ZHX2: variants seen among roughly 807,000 people sequenced by gnomAD.
The protein encoded by ZHX2 is zinc fingers and homeoboxes 2, also known as zinc fingers and homeoboxes protein 2.
ZHX2 carries 6 observed loss-of-function variants against 21.9 expected under a neutral mutation model. The observed-to-expected ratio is 0.27, with a 90% CI of 0.15 to 0.54. ZHX2 has a LOEUF of 0.54. ZHX2 is among the 20% of genes least tolerant of loss of function. ZHX2 has a pLI of 0.95. For missense variants in ZHX2, 908 were observed against 1,090.7 expected (o/e 0.83, Z 2.36); for synonymous variants, 434 against 437.1 (o/e 0.99, Z 0.09).
intron 2 of ZHX2, among the ~76,000 whole-genome samples, chr8:122,873,038 C>A (rs1819478700): frequency 6.6e-6 from 1 of 152,244 alleles, no homozygotes; most frequent in African/African-American, 2.4e-5. Context: ...GTGCACGGTG[C>A]CAACTGGCCA....
At chr8:122,890,072 A>G (rs2129857370) in intron 2 of ZHX2, among the ~76,000 whole-genome samples, 1 of 152,216 alleles carries the variant, frequency 6.6e-6, no homozygotes, top group South Asian at 2.1e-4. Flanking sequence ...GATTTTTTCT[A>G]GTAGTTTTAT....
intron 2 of ZHX2, among the ~76,000 whole-genome samples, chr8:122,877,742 A>T (rs577050927): frequency 6.6e-6 from 1 of 152,178 alleles, no homozygotes; most frequent in Non-Finnish European, 1.5e-5. Context: ...GACTGAGAGG[A>T]TGGGACTGGA....
intron 2 of ZHX2, among the ~76,000 whole-genome samples, chr8:122,916,158 T>C (rs574570975): frequency 6.6e-6 from 1 of 152,344 alleles, no homozygotes; most frequent in East Asian, 1.9e-4. Flanking sequence ...TTTTATGAGA[T>C]TACAGACGCT....
intron 2 of ZHX2, among the ~76,000 whole-genome samples, chr8:122,868,195 A>G (rs1227635528): frequency 1.3e-5 from 2 of 152,216 alleles, no homozygotes; most frequent in East Asian, 1.9e-4. Flanking sequence ...CGGGAGATTC[A>G]GGACAGGAAG....
At chr8:122,830,331 T>C (rs115359522) in intron 1 of ZHX2, among the ~76,000 whole-genome samples, 3,443 of 152,268 alleles carry the variant, frequency 0.023, 117 homozygotes, top group African/African-American at 0.079. Flanking sequence ...TTCTGCTATT[T>C]TGCTGGCGCA....
intron 1 of ZHX2, among the ~76,000 whole-genome samples, chr8:122,813,184 GA>G (rs1362789850): frequency 1.4e-5 from 2 of 140,996 alleles, no homozygotes; most frequent in East Asian, 4.1e-4. Context: ...CAACAAGAGT[GA>G]AACTCTGTCT....
intron 1 of ZHX2, among the ~76,000 whole-genome samples, chr8:122,820,664 C>A (rs928885572): frequency 1.4e-4 from 21 of 152,150 alleles, no homozygotes; most frequent in Non-Finnish European, 1.8e-4. Flanking sequence ...TTTGGGGTGG[C>A]AGAATGACTC....
intron 2 of ZHX2, among the ~76,000 whole-genome samples, chr8:122,879,398 G>A (rs962631683): frequency 1.3e-5 from 2 of 151,990 alleles, no homozygotes; most frequent in Non-Finnish European, 2.9e-5. Flanking sequence ...GTAGAGATGG[G>A]GTTTCACCAT....
chr8:122,891,295 T>C (rs978961816), intron 2 of ZHX2, among the ~76,000 whole-genome samples: 70 of 149,596 alleles, frequency 4.7e-4, no homozygotes, highest in African/African-American at 1.6e-3. Context: ...TGTGTGTGTG[T>C]GTGTGTGTGT....
intron 1 of ZHX2, among the ~76,000 whole-genome samples, chr8:122,785,030 C>T (rs977447312): frequency 7.2e-5 from 11 of 152,154 alleles, no homozygotes; most frequent in African/African-American, 2.4e-4. Flanking sequence ...GAGCCGACTG[C>T]GGGGAAGCAC....
chr8:122,799,744 A>C (rs961301778), intron 1 of ZHX2, among the ~76,000 whole-genome samples: 1 of 152,228 alleles, frequency 6.6e-6, no homozygotes, highest in Non-Finnish European at 1.5e-5. Flanking sequence ...TCCAGGAAGC[A>C]TCCTTTTTCC....
In ZHX2 at chr8:122,873,251, G is replaced by C. The variant is rs142985583; in HGVS notation, c.-220+9712G>C. 7.9e-4 allele frequency among the ~76,000 whole-genome samples: 121 copies of C among 152,364 alleles called. 1 individual carries two copies. Among genetic ancestry groups the C allele is most frequent in the African/African-American group, 2.6e-3 (110 of 41,578 alleles). The stretch of plus-strand genomic sequence containing the variant: ...GACTCAGTGGGGAGCACTGAACCTG[G>C]AGCTGGCCTTTGTGGCCCAGAACAC... On this transcript the variant is annotated intron_variant, in intron 2 of 3. Transcript: ENST00000314393.
chr8:122,793,586 G>A (rs953370408), intron 1 of ZHX2, among the ~76,000 whole-genome samples: 1 of 152,182 alleles, frequency 6.6e-6, no homozygotes, highest in African/African-American at 2.4e-5. Flanking sequence ...TTTGTCTGCT[G>A]GTCTTCAAGG....
chr8:122,905,373 C>T (rs1232149566), intron 2 of ZHX2, among the ~76,000 whole-genome samples: 4 of 150,810 alleles, frequency 2.7e-5, no homozygotes, highest in Non-Finnish European at 5.9e-5. Flanking sequence ...AAGGAAATGG[C>T]ACAACATTTT....
chr8:122,836,139 C>A (rs538617284), intron 1 of ZHX2, among the ~76,000 whole-genome samples: 1 of 152,298 alleles, frequency 6.6e-6, no homozygotes, highest in South Asian at 2.1e-4. Context: ...GTTCCCAGAA[C>A]AGGATCTAAT....
intron 3 of ZHX2, among the ~76,000 whole-genome samples, chr8:122,961,513 GTAATTTA>G (rs966964523): frequency 6.5e-4 from 99 of 152,306 alleles, no homozygotes; most frequent in African/African-American, 2.3e-3. Context: ...CCAAGACTAG[GTAATTTA>G]TAAAGGAAAG....
At chr8:122,940,638 C>T (rs767622752) in intron 2 of ZHX2, among the ~76,000 whole-genome samples, 35 of 152,186 alleles carry the variant, frequency 2.3e-4, no homozygotes, top group Middle Eastern at 6.3e-3. Context: ...AAGAGCTTCT[C>T]AGAGCAGCAT....
chr8:122,971,701 C>T (rs192720167), intron 3 of ZHX2, among the ~76,000 whole-genome samples: 2 of 151,694 alleles, frequency 1.3e-5, no homozygotes, highest in African/African-American at 4.8e-5. Flanking sequence ...CCAGTGGCTC[C>T]GAGAACCTAC....
intron 1 of ZHX2, among the ~76,000 whole-genome samples, chr8:122,850,056 A>G (rs1382127784): frequency 6.6e-6 from 1 of 152,208 alleles, no homozygotes; most frequent in African/African-American, 2.4e-5. Context: ...TAGCTCAGTA[A>G]ATAGTACCTC....
Sources: gnomAD v4.1 joint callset for allele counts (sites outside exome capture counted in the v4.1 genomes callset) on GRCh38, gnomAD v4.1.1 for gene constraint, MANE v1.5 for transcripts, NCBI Gene and HGNC (gene_info 2026-07-23, HGNC 2026-07-21) for gene names.